Variants in SLC22A24 observed in about 807,000 individuals in gnomAD.
SLC22A24 encodes solute carrier family 22 member 24, also known as steroid transmembrane transporter SLC22A24.
A neutral mutation model predicts 49.8 loss-of-function variants in SLC22A24; 53 were observed. That is an observed-to-expected ratio of 1.06 (90% CI 0.85 to 1.34). SLC22A24 has a LOEUF of 1.34. Ranked by LOEUF, SLC22A24 falls within the 40% of genes most tolerant of loss-of-function variation. SLC22A24 has a pLI of 0.00. For synonymous variants in SLC22A24, 302 were observed against 256.4 expected (o/e 1.18, Z -1.70); for missense variants, 786 against 675.9 (o/e 1.16, Z -1.81).
rs56708217 is a variant in SLC22A24, at chr11:63,099,371, A to ATTTTTTTT, written c.955-3273_955-3266dup. 5.8e-3 allele frequency among the ~76,000 whole-genome samples: 301 copies of ATTTTTTTT among 52,342 alleles called. 27 individuals are homozygous for ATTTTTTTT. Among genetic ancestry groups the ATTTTTTTT allele is most frequent in the Middle Eastern group, 0.048 (2 of 42 alleles). 34.3% of individuals were successfully genotyped at this position (52,342 alleles called of 152,430 possible). A position where few individuals can be genotyped will look rare whatever the true frequency, so the allele number is the denominator to read the frequency against. Reference sequence around the variant, plus strand: ...CCACCACACCTGGCTAATTTTTAAGATTTTTTTTTTTTTTTTTTTTTTTTT... The same window carrying ATTTTTTTT: ...CCACCACACCTGGCTAATTTTTAAGATTTTTTTTTTTTTTTTTTTTTTTTTTTTTTTTT... On this transcript the variant is annotated intron_variant, in intron 5 of 9. Coordinates refer to ENST00000612278, the MANE Select transcript of SLC22A24 (RefSeq NM_001136506.2).
chr11:63,107,397 A>G (rs1286088770), intron 4 of SLC22A24, among the ~76,000 whole-genome samples: 3 of 151,992 alleles, frequency 2.0e-5, no homozygotes, highest in Non-Finnish European at 4.4e-5. Flanking sequence ...TTGGCTTAGG[A>G]TTGTCTTGGC....
intron 4 of SLC22A24, among the ~76,000 whole-genome samples, chr11:63,112,694 A>C (rs1408931249): frequency 6.6e-6 from 1 of 152,040 alleles, no homozygotes; most frequent in Non-Finnish European, 1.5e-5. Flanking sequence ...TAGTTCTTTC[A>C]GTCTGCATCT....
intron 6 of SLC22A24, among the ~76,000 whole-genome samples, chr11:63,090,663 C>CAATAAATAAATAAATAAATAAATAAATA (rs58585722): frequency 2.2e-5 from 3 of 137,992 alleles, no homozygotes; most frequent in Non-Finnish European, 3.1e-5. Flanking sequence ...ACTTAAAGTA[C>CAATAAATAAATAAATAAATAAATAAATA]AATAAATAAA....
intron 5 of SLC22A24, among the ~76,000 whole-genome samples, chr11:63,101,443 TAATTA>T (rs1468926617): frequency 3.3e-5 from 5 of 152,034 alleles, no homozygotes; most frequent in East Asian, 1.9e-4. Context: ...AGGTAAGTGT[TAATTA>T]AATTAATGCT....
chr11:63,100,514 A>G (rs986092089), intron 5 of SLC22A24, among the ~76,000 whole-genome samples: 2 of 152,084 alleles, frequency 1.3e-5, no homozygotes, highest in Non-Finnish European at 2.9e-5. Flanking sequence ...TACAGATACA[A>G]TGCAATATAC....
intron 2 of SLC22A24, among the ~76,000 whole-genome samples, chr11:63,124,154 G>A (rs2087271822): frequency 6.6e-6 from 1 of 152,152 alleles, no homozygotes; most frequent in Non-Finnish European, 1.5e-5. Context: ...TTGATGTCTT[G>A]AAGACTAGCA....
intron 2 of SLC22A24, among the ~76,000 whole-genome samples, chr11:63,128,535 A>G (rs1488318729): frequency 6.6e-6 from 1 of 152,166 alleles, no homozygotes; most frequent in Non-Finnish European, 1.5e-5. Flanking sequence ...GCTGTGTTTC[A>G]GCGGTCATGC....
intron 4 of SLC22A24, among the ~76,000 whole-genome samples, chr11:63,108,622 T>C (rs4430513): frequency 0.71 from 108,053 of 151,994 alleles, 40,045 homozygotes; most frequent in East Asian, 0.9. Context: ...GTTATTGGTC[T>C]ATTCAGAGAT....
intron 6 of SLC22A24, among the ~76,000 whole-genome samples, chr11:63,090,201 A>C (rs1338967431): frequency 1.3e-5 from 2 of 152,178 alleles, no homozygotes; most frequent in Non-Finnish European, 1.5e-5. Context: ...GAATACCCAG[A>C]TTCATAAAAC....
chr11:63,130,897 G>A (rs2087329711), intron 2 of SLC22A24, among the ~76,000 whole-genome samples: 1 of 151,922 alleles, frequency 6.6e-6, no homozygotes, highest in Non-Finnish European at 1.5e-5. Flanking sequence ...CATTATTATT[G>A]TGTGGTAGTC....
At chr11:63,086,956 A>C (rs910088199) in intron 6 of SLC22A24, among the ~76,000 whole-genome samples, 10 of 148,944 alleles carry the variant, frequency 6.7e-5, no homozygotes, top group Admixed American at 1.3e-4. Context: ...CCTTTGTAGT[A>C]CTGTGCATTT....
At chr11:63,080,656 C>T (rs771051092) in intron 9 of SLC22A24, among the ~76,000 whole-genome samples, 1 of 152,194 alleles carries the variant, frequency 6.6e-6, no homozygotes, top group South Asian at 2.1e-4. Context: ...ATGTGCCACT[C>T]ATAATAGGCT....
rs956850573 is a variant in SLC22A24 at position 63,079,959 on chromosome 11, A to C, written c.1640T>G (p.Met547Arg). Residue 547 changes from methionine (M) to arginine (R), a missense_variant, in exon 10 of 10, where the codon ATG becomes AGG. Met to Arg is a moderately conservative substitution (Grantham distance 91). Coordinates refer to ENST00000612278, the MANE Select transcript of SLC22A24 (RefSeq NM_001136506.2). ...SRNIKQEDTC[M>R]KVTQF is the part of the protein sequence containing the mutation. ...AATCTCTTAAAACTGTGTTACTTTC[A>C]TGCAAGTATCTTCCTGCTTTATGTT... is the stretch of plus-strand genomic sequence containing the variant. 7.1e-6 allele frequency: 11 copies of C among 1,545,762 alleles called. No homozygotes were observed. The Admixed American group carries it at 2.0e-4, about 28-fold the overall frequency.
intron 2 of SLC22A24, among the ~76,000 whole-genome samples, chr11:63,126,967 A>G (rs1176067228): frequency 6.6e-6 from 1 of 152,082 alleles, no homozygotes; most frequent in African/African-American, 2.4e-5. Context: ...TTATTGGTGT[A>G]TAGGAATACT....
intron 1 of SLC22A24, among the ~76,000 whole-genome samples, chr11:63,137,559 C>G (rs528142239): frequency 3.3e-5 from 5 of 152,204 alleles, no homozygotes; most frequent in Non-Finnish European, 7.3e-5. Context: ...TCAAAGGCAA[C>G]AGGGACCAAC....
intron 6 of SLC22A24, among the ~76,000 whole-genome samples, chr11:63,094,107 C>G (rs191916620): frequency 6.6e-6 from 1 of 151,648 alleles, no homozygotes; most frequent in Non-Finnish European, 1.5e-5. Context: ...TATCATTTAG[C>G]ATTAGGTATA....
At chr11:63,099,128 C>T (rs1305248206) in intron 5 of SLC22A24, among the ~76,000 whole-genome samples, 1 of 151,988 alleles carries the variant, frequency 6.6e-6, no homozygotes. Flanking sequence ...TACAAAGTCT[C>T]CCAGCAAAGT....
chr11:63,133,331 CCAGT>C (rs1470949802), intron 2 of SLC22A24, among the ~76,000 whole-genome samples: 2 of 152,210 alleles, frequency 1.3e-5, no homozygotes, highest in Non-Finnish European at 2.9e-5. Context: ...CACTGTCCAA[CCAGT>C]CCCAATGAGA....
At chr11:63,137,520 G>A (rs529838325) in intron 1 of SLC22A24, among the ~76,000 whole-genome samples, 1 of 152,158 alleles carries the variant, frequency 6.6e-6, no homozygotes, top group Non-Finnish European at 1.5e-5. Flanking sequence ...AATTACATTT[G>A]CAGGTTATCT....
Sources: gnomAD v4.1 joint callset for allele counts (sites outside exome capture counted in the v4.1 genomes callset) on GRCh38, gnomAD v4.1.1 for gene constraint, MANE v1.5 for transcripts, NCBI Gene and HGNC (gene_info 2026-07-23, HGNC 2026-07-21) for gene names.